RBM4B: variants seen among roughly 807,000 people sequenced by gnomAD.
RBM4B encodes the protein RNA binding motif protein 4B.
Under a neutral mutation model 28.5 loss-of-function variants are expected in RBM4B, and 13 were observed. The ratio of observed to expected loss-of-function variants is 0.46; its 90% CI spans 0.30 to 0.72. The LOEUF is 0.72. RBM4B is among the 30% of genes least tolerant of loss of function. RBM4B has a pLI of 0.09. For synonymous variants in RBM4B, 167 were observed against 179.1 expected (o/e 0.93, Z 0.54); for missense variants, 387 against 477.6 (o/e 0.81, Z 1.77).
At chr11:66,677,347 C>T (rs1233608699) in intron 1 of RBM4B, 1 of 537,996 alleles carries the variant, frequency 1.9e-6, no homozygotes, top group Non-Finnish European at 3.3e-6. Context: ...CAATGAAATA[C>T]CAGAATTAGC....
chr11:66,665,506 G>A lies in RBM4B; in HGVS notation c.*82C>T, dbSNP rs560480673. On this transcript the variant is annotated 3_prime_UTR_variant, in exon 4 of 4. Coordinates refer to ENST00000310046, the MANE Select transcript of RBM4B (RefSeq NM_031492.4). The stretch of plus-strand genomic sequence containing the variant: ...AAACATGAAGCAATGGAAACATCCC[G>A]GCAAAGGGGACCGCGCGGAGCAAGT... The A allele has an allele frequency of 1.8e-4, 215 of 1,180,378 alleles. No homozygotes were observed. In the Middle Eastern group the frequency reaches 2.8e-3, roughly 16 times the overall value. 73.1% of individuals were successfully genotyped at this position (1,180,378 alleles called of 1,614,324 possible).
At chr11:66,668,430 T>C (rs1939327435) in intron 3 of RBM4B, 185 bp downstream of exon 3, 1 of 560,488 alleles carries the variant, frequency 1.8e-6, no homozygotes, top group East Asian at 2.8e-5. Flanking sequence ...AGTCATACAC[T>C]AACACCTTGA....
chr11:66,676,534 C>A (rs1565097181), intron 2 of RBM4B, 134 bp downstream of exon 2: 1 of 1,074,192 alleles, frequency 9.3e-7, no homozygotes, highest in Non-Finnish European at 1.3e-6. Flanking sequence ...TGCTTAAGAG[C>A]GGTAAACATA....
At chr11:66,671,111 A>G (rs750725935) in intron 2 of RBM4B, 90 of 681,610 alleles carry the variant, frequency 1.3e-4, no homozygotes, top group Middle Eastern at 9.0e-4. Flanking sequence ...AAAGAGTCCT[A>G]TCACTCCAGT....
intron 2 of RBM4B, among the ~76,000 whole-genome samples, chr11:66,672,666 C>A (rs1248651885): frequency 4.0e-5 from 6 of 151,632 alleles, no homozygotes; most frequent in Admixed American, 3.9e-4. Flanking sequence ...TGGCTAATTT[C>A]TTCTATTTTT....
At chr11:66,672,408 A>T (rs1250478212) in intron 2 of RBM4B, among the ~76,000 whole-genome samples, 2 of 142,488 alleles carry the variant, frequency 1.4e-5, no homozygotes, top group Non-Finnish European at 3.0e-5. Flanking sequence ...AGACTGTCTA[A>T]AAAAAAAAAA....
chr11:66,669,646 A>G (rs913786746), intron 2 of RBM4B, among the ~76,000 whole-genome samples: 6 of 152,226 alleles, frequency 3.9e-5, no homozygotes, highest in Admixed American at 3.9e-4. Flanking sequence ...GGGTTTCTCC[A>G]TGTTGGTCAG....
intron 3 of RBM4B, 93 bp from the exon 4 acceptor site, chr11:66,665,671 G>A: frequency 1.3e-6 from 2 of 1,515,786 alleles, no homozygotes; most frequent in Non-Finnish European, 8.8e-7. Flanking sequence ...CTGTATTCCG[G>A]GGGGAAAAAA....
intron 2 of RBM4B, among the ~76,000 whole-genome samples, chr11:66,674,463 G>A (rs1939577945): frequency 6.6e-6 from 1 of 151,708 alleles, no homozygotes; most frequent in Non-Finnish European, 1.5e-5. Context: ...CTCTGACCTC[G>A]TGATCCCCCC....
At chr11:66,665,758 T>C in intron 3 of RBM4B, 180 bp from the exon 4 acceptor site, 1 of 1,302,356 alleles carries the variant, frequency 7.7e-7, no homozygotes, top group Non-Finnish European at 1.0e-6. Context: ...TCAATAGCTA[T>C]ATATAGGAAT....
chr11:66,672,465 G>T (rs1174720502), intron 2 of RBM4B, among the ~76,000 whole-genome samples: 1 of 147,724 alleles, frequency 6.8e-6, no homozygotes, highest in South Asian at 2.1e-4. Context: ...TCCTTCCAAC[G>T]GTTATAATTA....
In RBM4B at chr11:66,668,824, T is replaced by C; in HGVS notation, c.880A>G (p.Thr294Ala). Residue 294 changes from threonine to alanine, a missense_variant, in exon 3 of 4, where the codon ACC becomes GCC. This residue lies in a region of RBM4B where 226 missense variants were observed against 220.6 expected (regional missense o/e 1.02). Transcript: ENST00000310046. Reference protein sequence around the residue: ...TSAAMAAAAATTSSYYGRDRS... With the variant: ...TSAAMAAAAAATSSYYGRDRS... ...TCCCTTCCATAGTAGGAGGAAGTGG[T>C]GGCTGCAGCAGCAGCCATAGCAGCT... is the stretch of plus-strand genomic sequence containing the variant. 6.2e-7 allele frequency: 1 copy of C among 1,614,112 alleles called. No homozygotes were observed. The highest frequency in any genetic ancestry group is 8.5e-7 in the Non-Finnish European group (1 of 1,180,028).
chr11:66,672,304 G>A (rs1939483145), intron 2 of RBM4B, among the ~76,000 whole-genome samples: 1 of 149,638 alleles, frequency 6.7e-6, no homozygotes, highest in African/African-American at 2.4e-5. Context: ...CAGCTACTTG[G>A]GAAGCTGAGG....
chr11:66,677,090 G>C lies in RBM4B; in HGVS notation c.-11C>G. The C allele has an allele frequency of 1.2e-6, 2 of 1,609,844 alleles. No individual in the cohort carries two copies. Among genetic ancestry groups the C allele is most frequent in the Non-Finnish European group, 1.7e-6 (2 of 1,176,606 alleles). On this transcript the variant is annotated splice_region_variant and 5_prime_UTR_variant, in exon 2 of 4. Transcript: ENST00000310046. ...GAACAGCTTCACCATCCTGACAAGA[G>C]CCTGGGAGAGAAACACAAGACTTCA...
intron 1 of RBM4B, chr11:66,677,563 C>T (rs1305891000): frequency 1.2e-5 from 2 of 160,294 alleles, no homozygotes; most frequent in African/African-American, 4.8e-5. Context: ...GGCCCACCCT[C>T]CAGCTTCTTC....
intron 3 of RBM4B, chr11:66,666,126 T>A: frequency 1.3e-6 from 1 of 774,996 alleles, no homozygotes; most frequent in Non-Finnish European, 1.9e-6. Flanking sequence ...TGTCACAGAG[T>A]GAGAGCCACA....
At chr11:66,677,407 G>A (rs539205516) in intron 1 of RBM4B, 255 of 381,296 alleles carry the variant, frequency 6.7e-4, no homozygotes, top group African/African-American at 4.5e-3. Context: ...CAAAGGCAAG[G>A]GGCATCAATC....
At chr11:66,674,531 CTTTTCCTTTTATTCAG>C (rs1417350560) in intron 2 of RBM4B, among the ~76,000 whole-genome samples, 15 of 146,652 alleles carry the variant, frequency 1.0e-4, no homozygotes, top group Non-Finnish European at 4.5e-5. Flanking sequence ...CCGGCCTGTC[CTTTTCCTTTTATTCAG>C]TTGTATTAAA....
chr11:66,673,871 AC>A (rs1053587612), intron 2 of RBM4B, among the ~76,000 whole-genome samples: 2 of 152,152 alleles, frequency 1.3e-5, no homozygotes, highest in African/African-American at 4.8e-5. Context: ...ACTACAACTT[AC>A]TATCCAGTGC....
Sources: gnomAD v4.1 joint callset for allele counts (sites outside exome capture counted in the v4.1 genomes callset) on GRCh38, gnomAD v4.1.1 for gene constraint, gnomAD v4.1.1 regional missense constraint, MANE v1.5 for transcripts, NCBI Gene and HGNC (gene_info 2026-07-23, HGNC 2026-07-21) for gene names.